Variants in PCLO observed in about 807,000 individuals in gnomAD.
PCLO encodes protein piccolo.
PCLO carries 82 observed loss-of-function variants against 427.5 expected under a neutral mutation model. The observed-to-expected ratio is 0.19, with a 90% CI of 0.16 to 0.23. The LOEUF (loss-of-function observed/expected upper bound fraction) is 0.23. Among genes scored for constraint, PCLO ranks in the 10% least tolerant of loss-of-function variants. PCLO has a pLI of 1.00. For synonymous variants in PCLO, 2,357 were observed against 2,155.4 expected (o/e 1.09, Z -2.59); for missense variants, 6,239 against 6,115.9 (o/e 1.02, Z -0.67).
At chr7:83,080,339 C>T (rs182724957) in intron 3 of PCLO, among the ~76,000 whole-genome samples, 276 of 152,278 alleles carry the variant, frequency 1.8e-3, no homozygotes, top group African/African-American at 6.4e-3. Context: ...TTCCCACTAA[C>T]AGTGTAAAAG....
chr7:82,946,234 T>C (rs934693500), intron 6 of PCLO, among the ~76,000 whole-genome samples: 10 of 152,296 alleles, frequency 6.6e-5, no homozygotes, highest in Admixed American at 6.5e-4. Flanking sequence ...CTTTTCAATA[T>C]AAATCTTTTC....
intron 3 of PCLO, among the ~76,000 whole-genome samples, chr7:83,012,689 T>TATTCATAATCA (rs1181197578): frequency 1.4e-5 from 2 of 139,776 alleles, no homozygotes; most frequent in East Asian, 2.1e-4. Flanking sequence ...GGGGTTCAAA[T>TATTCATAATCA]ATTCATAATC....
At chr7:82,822,770 C>G (rs1002730149) in intron 19 of PCLO, 81 bp from the exon 20 acceptor site, 2 of 1,168,478 alleles carry the variant, frequency 1.7e-6, no homozygotes, top group African/African-American at 3.0e-5. Context: ...TAATTTGAAA[C>G]TGCCTAAAAT....
intron 3 of PCLO, among the ~76,000 whole-genome samples, chr7:83,050,208 G>GAA (rs556193471): frequency 1.8e-4 from 1 of 5,458 alleles, no homozygotes; most frequent in African/African-American, 5.0e-4. Flanking sequence ...CTGAAAAACT[G>GAA]AAAAAAAAAA....
At chr7:83,062,813 C>A (rs1413886758) in intron 3 of PCLO, among the ~76,000 whole-genome samples, 4 of 152,020 alleles carry the variant, frequency 2.6e-5, no homozygotes, top group Non-Finnish European at 4.4e-5. Flanking sequence ...ATTGTGATAC[C>A]CATCACACAA....
intron 22 of PCLO, among the ~76,000 whole-genome samples, chr7:82,800,851 C>T (rs1374802999): frequency 6.6e-6 from 1 of 151,946 alleles, no homozygotes; most frequent in Non-Finnish European, 1.5e-5. Flanking sequence ...TCCCAAAGTG[C>T]TGGGATTTCA....
At chr7:83,105,911 C>A (rs1312142035) in intron 3 of PCLO, among the ~76,000 whole-genome samples, 1 of 150,720 alleles carries the variant, frequency 6.6e-6, no homozygotes, top group African/African-American at 2.4e-5. Context: ...TTGTAAGTAA[C>A]AAAAACCTAA....
chr7:82,842,541 A>T (rs1034713819), intron 13 of PCLO, among the ~76,000 whole-genome samples: 1 of 152,136 alleles, frequency 6.6e-6, no homozygotes, highest in Non-Finnish European at 1.5e-5. Flanking sequence ...AATAAAAAAT[A>T]GAAGTACAAC....
At position 82,981,084 on chromosome 7, in the gene PCLO, T is replaced by G. The variant is rs569728533; in HGVS notation, c.3301-14597A>C. ...TGCACATGTACCCAAGAACTTAAAG[T>G]ATAATAAAAAATAATATTTCTCCAC... On this transcript the variant is annotated intron_variant, in intron 3 of 24. Transcript: ENST00000333891. 3.7e-4 allele frequency among the ~76,000 whole-genome samples: 57 copies of G among 152,096 alleles called. No homozygotes were observed. In the South Asian group the frequency reaches 0.012, roughly 31 times the overall value.
At chr7:83,030,291 A>G (rs142995645) in intron 3 of PCLO, among the ~76,000 whole-genome samples, 13 of 152,238 alleles carry the variant, frequency 8.5e-5, no homozygotes, top group African/African-American at 2.9e-4. Context: ...TCTTGTCTCA[A>G]TATTTAAAAA....
chr7:83,069,048 C>CGGGTTA (rs1410893946), intron 3 of PCLO, among the ~76,000 whole-genome samples: 1 of 152,026 alleles, frequency 6.6e-6, no homozygotes, highest in East Asian at 1.9e-4. Context: ...GTGGTTACCA[C>CGGGTTA]GGGTTAGGGG....
At chr7:83,067,041 AT>A (rs1789687243) in intron 3 of PCLO, among the ~76,000 whole-genome samples, 1 of 152,198 alleles carries the variant, frequency 6.6e-6, no homozygotes, top group South Asian at 2.1e-4. Flanking sequence ...ATTATTAAAA[AT>A]ATCATATAAA....
chr7:83,160,440 G>A (rs1437774241), intron 1 of PCLO, among the ~76,000 whole-genome samples: 4 of 151,990 alleles, frequency 2.6e-5, no homozygotes, highest in African/African-American at 9.7e-5. Context: ...AAAACCAAAT[G>A]TTTCTTTGGT....
chr7:82,758,516 T>C lies in PCLO; in HGVS notation c.*59A>G. ...TTAGCTTTGTACAATAGTATTCAACTATAGTCTTGATGTGAGGCTATTTAG... is the reference window on the plus strand; with the variant it reads ...TTAGCTTTGTACAATAGTATTCAACCATAGTCTTGATGTGAGGCTATTTAG... On this transcript the variant is annotated 3_prime_UTR_variant, in exon 25 of 25. Transcript: ENST00000333891. 11 of 1,453,862 alleles carry C rather than the reference T, an allele frequency of 7.6e-6. No homozygotes were observed. The highest frequency in any genetic ancestry group is 1.0e-5 in the Non-Finnish European group (11 of 1,062,748). 90.1% of individuals were successfully genotyped at this position (1,453,862 alleles called of 1,614,324 possible). A position where few individuals can be genotyped will look rare whatever the true frequency, so the allele number is the denominator to read the frequency against.
Position 83,005,942 on chromosome 7 carries a change from C to A in PCLO, c.3301-39455G>T, listed in dbSNP as rs568976647. On this transcript the variant is annotated intron_variant, in intron 3 of 24. Coordinates refer to ENST00000333891, the MANE Select transcript of PCLO (RefSeq NM_033026.6). Reference sequence around the variant, plus strand: ...AGCAATGTTCTAATTACAGCCATTACAGTAAAATATAGGAGCAAAGTCAAA... The same window carrying A: ...AGCAATGTTCTAATTACAGCCATTAAAGTAAAATATAGGAGCAAAGTCAAA... Among the ~76,000 whole-genome samples the A allele has an allele frequency of 5.3e-5, 8 of 151,718 alleles. No individual in the cohort carries two copies. The South Asian group carries it at 1.7e-3, about 31-fold the overall frequency.
chr7:82,817,261 C>G (rs1262887816), intron 20 of PCLO, among the ~76,000 whole-genome samples: 2 of 152,092 alleles, frequency 1.3e-5, no homozygotes, highest in African/African-American at 2.4e-5. Flanking sequence ...TTTTTTTGCA[C>G]AAACACATGG....
chr7:83,131,519 A>G (rs892276059), intron 3 of PCLO, among the ~76,000 whole-genome samples: 34 of 152,212 alleles, frequency 2.2e-4, no homozygotes, highest in African/African-American at 7.7e-4. Context: ...GGGTGGCACC[A>G]GCAGGAAAAA....
Position 83,006,483 on chromosome 7 carries a change from C to T in PCLO, c.3301-39996G>A, listed in dbSNP as rs930002271. 2.0e-5 allele frequency among the ~76,000 whole-genome samples: 3 copies of T among 151,468 alleles called. No homozygotes were observed. The Admixed American group carries it at 2.0e-4, about 10-fold the overall frequency. On this transcript the variant is annotated intron_variant, in intron 3 of 24. Coordinates refer to ENST00000333891, the MANE Select transcript of PCLO (RefSeq NM_033026.6). ...GTAGTATAGGAACAACAATTTAAAA[C>T]ATTTACAGTTCCTTTCTCATACTGC...
chr7:83,008,400 T>C (rs1787999429), intron 3 of PCLO, among the ~76,000 whole-genome samples: 1 of 151,738 alleles, frequency 6.6e-6, no homozygotes, highest in Non-Finnish European at 1.5e-5. Flanking sequence ...TAATCTTTTT[T>C]AATGCTTCCT....
Sources: allele counts gnomAD v4.1 joint callset (sites outside exome capture counted in the v4.1 genomes callset), GRCh38; gene constraint gnomAD v4.1.1; transcripts MANE v1.5; gene names NCBI Gene and HGNC (gene_info 2026-07-23, HGNC 2026-07-21).